CEP104: variants seen among roughly 807,000 people sequenced by gnomAD.
CEP104 encodes centrosomal protein of 104 kDa.
CEP104 carries 84 observed loss-of-function variants against 113.3 expected under a neutral mutation model. That is an observed-to-expected ratio of 0.74 (90% CI 0.62 to 0.89). CEP104 has a LOEUF of 0.89. CEP104 is among the 40% of genes least tolerant of loss of function. The pLI is 0.00. For missense variants in CEP104, 1,053 were observed against 1,156.6 expected, an observed-to-expected ratio of 0.91 and a Z score of 1.30; for synonymous variants, 378 against 421.7, an observed-to-expected ratio of 0.90 and a Z score of 1.27.
intron 1 of CEP104, 32 bp from the exon 2 acceptor site, chr1:3,852,453 A>C: frequency 6.3e-7 from 1 of 1,584,064 alleles, no homozygotes; most frequent in South Asian, 1.1e-5. Flanking sequence ...ACTTCTTTAA[A>C]ACAAAGGAAT....
chr1:3,825,925 C>T (rs1644081611), intron 17 of CEP104, 59 bp from the exon 18 acceptor site: 5 of 1,130,198 alleles, frequency 4.4e-6, no homozygotes, highest in Non-Finnish European at 6.7e-6. Flanking sequence ...GATGGCCGTT[C>T]CGCTCCCACG....
intron 1 of CEP104, among the ~76,000 whole-genome samples, chr1:3,855,677 C>CT (rs1557699636): frequency 6.6e-6 from 1 of 152,152 alleles, no homozygotes; most frequent in Non-Finnish European, 1.5e-5. Context: ...AAAAGGATTC[C>CT]TTTTTTAGTC....
intron 6 of CEP104, chr1:3,843,325 TAA>T (rs60718273): frequency 8.9e-3 from 3,370 of 380,670 alleles, no homozygotes; most frequent in South Asian, 0.025. Context: ...CTTACACTGC[TAA>T]AAAAAAAAAA....
At chr1:3,822,154 A>T (rs1210369786) in intron 20 of CEP104, among the ~76,000 whole-genome samples, 1 of 152,166 alleles carries the variant, frequency 6.6e-6, no homozygotes, top group Non-Finnish European at 1.5e-5. Context: ...GACCGTGACA[A>T]GGGAGAGTCC....
intron 14 of CEP104, 28 bp downstream of exon 14, chr1:3,829,763 C>T (rs1210021222): frequency 2.5e-6 from 4 of 1,596,180 alleles, no homozygotes; most frequent in Non-Finnish European, 3.4e-6. Context: ...CACAGGATGA[C>T]ATCACAACTT....
At chr1:3,836,102 C>T (rs957605052) in intron 10 of CEP104, among the ~76,000 whole-genome samples, 1 of 151,878 alleles carries the variant, frequency 6.6e-6, no homozygotes, top group African/African-American at 2.4e-5. Context: ...GAGATCGAGA[C>T]CATCCTGGCT....
intron 8 of CEP104, 54 bp from the exon 9 acceptor site, chr1:3,837,573 A>C (rs912493959): frequency 7.1e-7 from 1 of 1,404,482 alleles, no homozygotes; most frequent in Admixed American, 1.8e-5. Flanking sequence ...CGCCAGATAT[A>C]TCTATCTCAT....
chr1:3,827,627 CCA>C lies in CEP104; in HGVS notation c.2152-885_2152-884del, dbSNP rs571666375. Among the ~76,000 whole-genome samples, 6 of 152,348 alleles carry C rather than the reference CCA, an allele frequency of 3.9e-5. No individual in the cohort carries two copies. In the South Asian group the frequency reaches 1.2e-3, roughly 32 times the overall value. On this transcript the variant is annotated intron_variant, in intron 15 of 21. Coordinates refer to ENST00000378230, the MANE Select transcript of CEP104 (RefSeq NM_014704.4). ...AACAATGTGAGAGCACTCCATGCCA[CCA>C]CAGTGTGCACTGAAAATGGTAAGAT... is the stretch of plus-strand genomic sequence containing the variant.
At chr1:3,852,567 T>C (rs1379017150) in intron 1 of CEP104, 146 bp from the exon 2 acceptor site, 7 of 721,048 alleles carry the variant, frequency 9.7e-6, no homozygotes, top group Middle Eastern at 2.5e-4. Flanking sequence ...AAGAGTCTAT[T>C]TTTTTTTGTT....
chr1:3,826,532 G>T, intron 16 of CEP104, 96 bp from the exon 17 acceptor site: 1 of 1,338,760 alleles, frequency 7.5e-7, no homozygotes, highest in Non-Finnish European at 1.1e-6. Flanking sequence ...GATTATACAA[G>T]TAAAAAGGTA....
intron 1 of CEP104, 64 bp downstream of exon 1, chr1:3,856,825 C>A: frequency 6.6e-6 from 1 of 151,598 alleles, no homozygotes; most frequent in South Asian, 2.0e-4. Flanking sequence ...CGCCCGCGCC[C>A]CGCGCCCCGC....
At position 3,837,202 on chromosome 1, in the gene CEP104, C is replaced by A. The variant is rs56362225; in HGVS notation, c.1119+90G>T. 2.4e-3 allele frequency: 2,552 copies of A among 1,074,530 alleles called. 6 individuals are homozygous for A. The highest frequency in any genetic ancestry group is 3.2e-3 in the Non-Finnish European group (2,364 of 727,536). The allele number at this position is 1,074,530 out of a possible 1,614,324, so 66.6% of individuals were successfully genotyped here. A position where few individuals can be genotyped will look rare whatever the true frequency, so the allele number is the denominator to read the frequency against. The stretch of plus-strand genomic sequence containing the variant: ...GGTCTGGCTGGGGAGCACTCATGCA[C>A]CCCATGCATGGGAACAGCACCTGGC... On this transcript the variant is annotated intron_variant, in intron 9 of 21. Coordinates refer to ENST00000378230, the MANE Select transcript of CEP104 (RefSeq NM_014704.4).
At chr1:3,838,538 GA>G (rs946827000) in intron 8 of CEP104, among the ~76,000 whole-genome samples, 3 of 152,176 alleles carry the variant, frequency 2.0e-5, no homozygotes, top group Non-Finnish European at 2.9e-5. Context: ...CCATTTGCAT[GA>G]GTTCTAAAAT....
At chr1:3,840,614 C>T (rs933181974) in intron 6 of CEP104, among the ~76,000 whole-genome samples, 2 of 152,116 alleles carry the variant, frequency 1.3e-5, no homozygotes, top group African/African-American at 4.8e-5. Context: ...CTTGGGCTCA[C>T]TGCAACCTCT....
rs2275833 is a variant in CEP104, at chr1:3,829,157, C to T, written c.2151+109G>A. 182,686 of 741,852 alleles carry T rather than the reference C, an allele frequency of 0.25. 23,830 individuals carry two copies. The highest frequency in any genetic ancestry group is 0.26 in the Non-Finnish European group (127,097 of 479,628). 46.0% of individuals were successfully genotyped at this position (741,852 alleles called of 1,614,324 possible). A position where few individuals can be genotyped will look rare whatever the true frequency, so the allele number is the denominator to read the frequency against. On this transcript the variant is annotated intron_variant, in intron 15 of 21. Coordinates refer to ENST00000378230, the MANE Select transcript of CEP104 (RefSeq NM_014704.4). ...CCTAAAAAACCAAAAGGAATCAAGA[C>T]GCTCATTTGCATAATCCCATGAAAA... is the stretch of plus-strand genomic sequence containing the variant.
rs750423711 is a variant in CEP104, at chr1:3,835,051, A to G, written c.1359T>C (p.Asp453=). ...AYCKTWSYRE[D]ALLALSKKLM... is the part of the protein sequence containing the mutation. ...ACTTCTTAGACAAGGCAAGCAGTGC[A>G]TCCTCTCGGTAGGACCACGTCTTAC... is the stretch of plus-strand genomic sequence containing the variant. Residue 453 remains aspartate, a synonymous_variant, in exon 11 of 22, where the codon GAT becomes GAC. Coordinates refer to ENST00000378230, the MANE Select transcript of CEP104 (RefSeq NM_014704.4). The G allele has an allele frequency of 6.2e-7, 1 of 1,613,928 alleles. No homozygotes were observed. The highest frequency in any genetic ancestry group is 1.7e-5 in the Admixed American group (1 of 60,002).
intron 6 of CEP104, 137 bp downstream of exon 6, chr1:3,844,770 G>C: frequency 1.9e-6 from 1 of 535,090 alleles, no homozygotes; most frequent in Non-Finnish European, 3.4e-6. Context: ...GTAAATTTCA[G>C]ACAATCCAAT....
intron 15 of CEP104, among the ~76,000 whole-genome samples, chr1:3,828,770 G>A (rs1246107048): frequency 6.6e-6 from 1 of 152,124 alleles, no homozygotes; most frequent in Non-Finnish European, 1.5e-5. Context: ...TCATATCCCA[G>A]AAGCTGGGAG....
chr1:3,836,129 A>C (rs568080686), intron 10 of CEP104, among the ~76,000 whole-genome samples: 1 of 151,980 alleles, frequency 6.6e-6, no homozygotes, highest in African/African-American at 2.4e-5. Flanking sequence ...GTGAAACTCT[A>C]TCTCTACTAA....
Sources: gnomAD v4.1 joint callset for allele counts (sites outside exome capture counted in the v4.1 genomes callset) on GRCh38, gnomAD v4.1.1 for gene constraint, MANE v1.5 for transcripts, NCBI Gene and HGNC (gene_info 2026-07-23, HGNC 2026-07-21) for gene names.